PCSK5: variants seen among roughly 807,000 people sequenced by gnomAD.
PCSK5 encodes the protein prohormone convertase 5.
In PCSK5, 129 loss-of-function variants were observed where a neutral mutation model predicts 233.2. The ratio of observed to expected loss-of-function variants is 0.55; its 90% CI spans 0.48 to 0.64. The LOEUF is 0.64. Among genes scored for constraint, PCSK5 ranks in the 30% least tolerant of loss-of-function variants. The pLI, the probability that PCSK5 is intolerant of heterozygous loss-of-function variation, is 0.00. For synonymous variants in PCSK5, 825 were observed against 879.2 expected (o/e 0.94, Z 1.09); for missense variants, 2,076 against 2,430.1 (o/e 0.85, Z 3.06).
At chr9:75,945,545 C>T (rs1240137733) in intron 2 of PCSK5, among the ~76,000 whole-genome samples, 3 of 152,156 alleles carry the variant, frequency 2.0e-5, no homozygotes, top group Admixed American at 6.5e-5. Context: ...CCTCTACTTC[C>T]ACTGCTGTTC....
At chr9:76,081,722 A>G (rs1830845424) in intron 7 of PCSK5, among the ~76,000 whole-genome samples, 1 of 152,186 alleles carries the variant, frequency 6.6e-6, no homozygotes, top group Admixed American at 6.5e-5. Flanking sequence ...AAATAATATT[A>G]GTGGTTAATT....
chr9:75,895,935 G>T (rs774262871), intron 1 of PCSK5, among the ~76,000 whole-genome samples: 8 of 152,198 alleles, frequency 5.3e-5, no homozygotes, highest in Non-Finnish European at 7.3e-5. Flanking sequence ...GGTGCTTATG[G>T]ATAGTCCTGG....
chr9:76,169,972 A>G (rs1192510173), intron 13 of PCSK5, 132 bp downstream of exon 13: 1 of 691,952 alleles, frequency 1.4e-6, no homozygotes, highest in East Asian at 2.6e-5. Context: ...GCTTTGAATT[A>G]CCTGCATGTA....
chr9:76,344,228 G>A (rs72745117), intron 35 of PCSK5, among the ~76,000 whole-genome samples: 16,047 of 152,120 alleles, frequency 0.11, 911 homozygotes, highest in East Asian at 0.2. Context: ...ACCTTCCTCA[G>A]ATAAAATCTG....
intron 24 of PCSK5, among the ~76,000 whole-genome samples, chr9:76,246,942 T>C (rs1186315463): frequency 2.0e-5 from 3 of 152,258 alleles, no homozygotes; most frequent in African/African-American, 4.8e-5. Flanking sequence ...TCATGTTCTC[T>C]GACCTGAGGT....
At chr9:76,283,057 A>ACC (rs2131391353) in intron 24 of PCSK5, among the ~76,000 whole-genome samples, 1 of 152,322 alleles carries the variant, frequency 6.6e-6, no homozygotes, top group African/African-American at 2.4e-5. Context: ...ACAGACAAGA[A>ACC]ATTGGTTCTT....
chr9:75,965,803 A>T (rs951185905), intron 2 of PCSK5, among the ~76,000 whole-genome samples: 7 of 152,184 alleles, frequency 4.6e-5, no homozygotes, highest in African/African-American at 1.7e-4. Context: ...AAATTAATGA[A>T]TGTAGAAAGC....
In PCSK5 at chr9:76,233,452, T is replaced by C; in HGVS notation, c.2730-8T>C. The C allele has an allele frequency of 6.2e-7, 1 of 1,612,668 alleles. No homozygotes were observed. Among genetic ancestry groups the C allele is most frequent in the Non-Finnish European group, 8.5e-7 (1 of 1,179,786 alleles). On this transcript the variant is annotated splice_polypyrimidine_tract_variant and splice_region_variant and intron_variant, in intron 21 of 37. Coordinates refer to ENST00000674117, the MANE Select transcript of PCSK5 (RefSeq NM_001372043.1). ...CTGATGAATTCTAAAAGTCTGCTTT[T>C]CCTCTAGGATTTTTGATGATGGCCG...
At chr9:76,096,202 C>T in intron 8 of PCSK5, 100 bp downstream of exon 8, 1 of 689,604 alleles carries the variant, frequency 1.5e-6, no homozygotes, top group South Asian at 1.8e-5. Context: ...CACACACACA[C>T]ACACACACAC....
At chr9:76,313,817 C>G (rs1828939219) in intron 30 of PCSK5, among the ~76,000 whole-genome samples, 1 of 152,100 alleles carries the variant, frequency 6.6e-6, no homozygotes, top group Non-Finnish European at 1.5e-5. Context: ...AGGATTTTGT[C>G]AAGCAGAGAG....
chr9:76,328,137 G>A lies in PCSK5; in HGVS notation c.4468G>A (p.Glu1490Lys). 2 of 1,612,844 alleles carry A rather than the reference G, an allele frequency of 1.2e-6. No homozygotes were observed. Among genetic ancestry groups the A allele is most frequent in the Non-Finnish European group, 8.5e-7 (1 of 1,179,814 alleles). The part of the protein sequence containing the change: ...EKCSPSEYWD[E>K]DAPGCKPCHV... ...GTGCTCACCCTCCGAGTACTGGGAT[G>A]AGGATGCTCCCGGGTGCAAGCCCTG... Residue 1490 changes from glutamate (E) to lysine (K), a missense_variant, in exon 33 of 38, where the codon GAG becomes AAG. Physicochemically the swap from Glu to Lys is moderately conservative, Grantham distance 56. Transcript: ENST00000674117.
At chr9:76,002,794 G>C (rs1380647229) in intron 3 of PCSK5, among the ~76,000 whole-genome samples, 2 of 152,156 alleles carry the variant, frequency 1.3e-5, no homozygotes, top group African/African-American at 4.8e-5. Flanking sequence ...AGGTAAAGCA[G>C]GGCTCCAGGA....
intron 22 of PCSK5, among the ~76,000 whole-genome samples, chr9:76,234,557 A>G (rs995042905): frequency 6.6e-6 from 1 of 152,198 alleles, no homozygotes; most frequent in Admixed American, 6.5e-5. Context: ...GAGATAACAC[A>G]TTTCTGTATA....
Position 76,314,646 on chromosome 9 carries a change from G to GT in PCSK5, c.3884+3803dup, listed in dbSNP as rs796240072. Reference sequence around the variant, plus strand: ...ATGTTCATGAAAAAAAAAAGTGTTTGTTTTTTTTGAGACCAAGTCTCTCCC... The same window carrying GT: ...ATGTTCATGAAAAAAAAAAGTGTTTGTTTTTTTTTGAGACCAAGTCTCTCCC... On this transcript the variant is annotated intron_variant, in intron 30 of 37. Coordinates refer to ENST00000674117, the MANE Select transcript of PCSK5 (RefSeq NM_001372043.1). Among the ~76,000 whole-genome samples the GT allele has an allele frequency of 5.2e-4, 79 of 151,590 alleles. 2 individuals are homozygous for GT. The highest frequency in any genetic ancestry group is 1.5e-4 in the Non-Finnish European group (10 of 67,836).
intron 20 of PCSK5, among the ~76,000 whole-genome samples, chr9:76,206,243 T>A (rs559191966): frequency 2.6e-4 from 39 of 152,174 alleles, no homozygotes; most frequent in Non-Finnish European, 5.1e-4. Context: ...GTTAACTACA[T>A]AGTCTTAGTA....
intron 2 of PCSK5, among the ~76,000 whole-genome samples, chr9:75,985,619 G>A (rs1490737676): frequency 1.3e-5 from 2 of 152,104 alleles, no homozygotes; most frequent in Admixed American, 6.6e-5. Flanking sequence ...ACAAAATCCA[G>A]CCTGGTTTTG....
rs373162834 is a variant in PCSK5, at chr9:76,200,098, TCTC to T, written c.2626+10355_2626+10357del. ...CCAGCTCCCAGACTTCTCCCTCTCC[TCTC>T]CTATTTTCTCTCCTTTCCCTAATCA... On this transcript the variant is annotated intron_variant, in intron 20 of 37. Transcript: ENST00000674117. 1.2e-4 allele frequency among the ~76,000 whole-genome samples: 18 copies of T among 151,670 alleles called. No individual in the cohort carries two copies. The South Asian group carries it at 2.3e-3, about 19-fold the overall frequency.
At chr9:75,976,747 TA>T (rs1365211160) in intron 2 of PCSK5, among the ~76,000 whole-genome samples, 43 of 151,800 alleles carry the variant, frequency 2.8e-4, no homozygotes, top group Admixed American at 9.8e-4. Flanking sequence ...GTAATGTTAA[TA>T]TTTTTATTAA....
At chr9:75,969,584 T>C (rs143087500) in intron 2 of PCSK5, among the ~76,000 whole-genome samples, 62 of 152,322 alleles carry the variant, frequency 4.1e-4, no homozygotes, top group African/African-American at 1.4e-3. Flanking sequence ...TTCAGTATCA[T>C]TCTCTGGTCA....
Sources: gnomAD v4.1 joint callset for allele counts (sites outside exome capture counted in the v4.1 genomes callset) on GRCh38, gnomAD v4.1.1 for gene constraint, MANE v1.5 for transcripts, NCBI Gene and HGNC (gene_info 2026-07-23, HGNC 2026-07-21) for gene names.